Variants in CCDC42 observed in about 807,000 individuals in gnomAD.
CCDC42 encodes the protein coiled-coil domain-containing protein 42.
A neutral mutation model predicts 40.8 loss-of-function variants in CCDC42; 38 were observed. The observed-to-expected ratio is 0.93, with a 90% confidence interval of 0.72 to 1.22. The LOEUF (loss-of-function observed/expected upper bound fraction) is 1.22. Ranked by LOEUF, CCDC42 falls within the 50% of genes most tolerant of loss-of-function variation. CCDC42 has a pLI of 0.00. For missense variants in CCDC42, 379 were observed against 416.5 expected, an observed-to-expected ratio of 0.91 and a Z score of 0.78; for synonymous variants, 135 against 157.5, an observed-to-expected ratio of 0.86 and a Z score of 1.07.
chr17:8,734,486 CTT>C (rs202035464), intron 6 of CCDC42, among the ~76,000 whole-genome samples: 19 of 140,036 alleles, frequency 1.4e-4, no homozygotes, highest in African/African-American at 1.8e-4. Flanking sequence ...ATGAATTTCA[CTT>C]TTTTTTTTTT....
At chr17:8,739,902 C>T (rs147835357) in intron 4 of CCDC42, among the ~76,000 whole-genome samples, 271 of 152,214 alleles carry the variant, frequency 1.8e-3, no homozygotes, top group African/African-American at 6.3e-3. Flanking sequence ...CCTGCCCCCC[C>T]AACAAACCCC....
rs779392103 is a variant in CCDC42 at position 8,741,576 on chromosome 17, C to T, written c.390G>A (p.Gln130=). The change falls in exon 4 of 7, where the codon CAG becomes CAA. Residue 130 remains glutamine (Q), a synonymous_variant. Coordinates refer to ENST00000293845, the MANE Select transcript of CCDC42 (RefSeq NM_144681.3). ...GCTCCAGCCGCAGCGCCACCATCTCCTGCTTGCGCTTGGTCAGCTCCTGCA... is the reference window on the plus strand; with the variant it reads ...GCTCCAGCCGCAGCGCCACCATCTCTTGCTTGCGCTTGGTCAGCTCCTGCA... The part of the protein sequence containing the change: ...QHMQELTKRK[Q]EMVALRLEHQ... 1.2e-6 allele frequency: 2 copies of T among 1,614,242 alleles called. No homozygotes were observed.
chr17:8,735,708 G>A lies in CCDC42; in HGVS notation c.493-97C>T, dbSNP rs2086608047. On this transcript the variant is annotated intron_variant, in intron 4 of 6. Coordinates refer to ENST00000293845, the MANE Select transcript of CCDC42 (RefSeq NM_144681.3). The surrounding 1 kb of genome is among the most constrained non-coding windows in gnomAD (Gnocchi z 4.7). ...CTCCAGCCTGGATGCCTGGACACCT[G>A]GACACCTGGGCAGGCAGGCCCTTGG... The A allele has an allele frequency of 9.8e-7, 1 of 1,017,392 alleles. No homozygotes were observed. Among genetic ancestry groups the A allele is most frequent in the Non-Finnish European group, 1.4e-6 (1 of 700,402 alleles). 63.0% of individuals were successfully genotyped at this position (1,017,392 alleles called of 1,614,324 possible).
At chr17:8,733,179 G>A (rs913957147) in intron 6 of CCDC42, among the ~76,000 whole-genome samples, 4 of 152,156 alleles carry the variant, frequency 2.6e-5, no homozygotes, top group African/African-American at 7.2e-5. Flanking sequence ...TACTGCCCCT[G>A]TCTAAGACCC....
In CCDC42 at chr17:8,735,898, G is replaced by C. The variant is rs879705094; in HGVS notation, c.493-287C>G. ...GAATCACCTGTAGGGGCTTTAAAAA[G>C]GACACCTGCCAGTCTCCACCCCCAG... On this transcript the variant is annotated intron_variant, in intron 4 of 6. Coordinates refer to ENST00000293845, the MANE Select transcript of CCDC42 (RefSeq NM_144681.3). This position sits in a 1 kb window ranked among gnomAD's most constrained non-coding sequence, Gnocchi z 4.7. 2.6e-5 allele frequency among the ~76,000 whole-genome samples: 4 copies of C among 152,136 alleles called. No individual in the cohort carries two copies. Among genetic ancestry groups the C allele is most frequent in the Non-Finnish European group, 4.4e-5 (3 of 68,014 alleles).
rs1404861696 is a variant in CCDC42, at chr17:8,730,076, G to T, written c.*54C>A. The T allele has an allele frequency of 1.3e-6, 2 of 1,556,938 alleles. No homozygotes were observed. Among genetic ancestry groups the T allele is most frequent in the South Asian group, 1.1e-5 (1 of 89,112 alleles). ...TGGACTGACTGGACCGCAGGCTCAC[G>T]ACTTCTTCTTTCACGATCTCTGTCT... On this transcript the variant is annotated 3_prime_UTR_variant, in exon 7 of 7. Coordinates refer to ENST00000293845, the MANE Select transcript of CCDC42 (RefSeq NM_144681.3).
At chr17:8,740,082 T>G (rs1568053219) in intron 4 of CCDC42, among the ~76,000 whole-genome samples, 1 of 152,126 alleles carries the variant, frequency 6.6e-6, no homozygotes, top group East Asian at 1.9e-4. Context: ...AGGACATGGA[T>G]CCACACCCCT....
At chr17:8,737,950 G>C (rs1171753217) in intron 4 of CCDC42, among the ~76,000 whole-genome samples, 1 of 151,748 alleles carries the variant, frequency 6.6e-6, no homozygotes, top group African/African-American at 2.4e-5. Flanking sequence ...CAAGTAGATG[G>C]GACCACATGT....
chr17:8,732,472 C>T (rs2086587417), intron 6 of CCDC42, among the ~76,000 whole-genome samples: 1 of 152,172 alleles, frequency 6.6e-6, no homozygotes, highest in Admixed American at 6.5e-5. Flanking sequence ...GATACTGTTA[C>T]CATTACCAAT....
rs148095320 is a variant in CCDC42, at chr17:8,737,129, G to A, written c.493-1518C>T. Among the ~76,000 whole-genome samples the A allele has an allele frequency of 6.6e-4, 100 of 152,310 alleles. No individual in the cohort carries two copies. The East Asian group carries it at 0.019, about 28-fold the overall frequency. The stretch of plus-strand genomic sequence containing the variant: ...CAAGCAAGCGAGCTCAGTAAACCTT[G>A]GGAAGGAGTGTGGACTTTATCCATT... On this transcript the variant is annotated intron_variant, in intron 4 of 6. Coordinates refer to ENST00000293845, the MANE Select transcript of CCDC42 (RefSeq NM_144681.3).
intron 6 of CCDC42, 120 bp from the exon 7 acceptor site, chr17:8,730,327 C>G: frequency 1.6e-6 from 1 of 627,864 alleles, no homozygotes. Context: ...TGACTGACTT[C>G]TTTTTAAATT....
At position 8,744,508 on chromosome 17, in the gene CCDC42, C is replaced by T; in HGVS notation, c.83+19G>A. On this transcript the variant is annotated intron_variant, in intron 1 of 6. Transcript: ENST00000293845. ...TCCCAGGCACAGAGGGGTGGGCAAGCCAGGCCTCAGACACTCACTGGAGCA... is the reference window on the plus strand; with the variant it reads ...TCCCAGGCACAGAGGGGTGGGCAAGTCAGGCCTCAGACACTCACTGGAGCA... The T allele has an allele frequency of 6.2e-7, 1 of 1,604,776 alleles. No homozygotes were observed.
At position 8,744,494 on chromosome 17, in the gene CCDC42, G is replaced by C. The variant is rs369121406; in HGVS notation, c.83+33C>G. On this transcript the variant is annotated intron_variant, in intron 1 of 6. Transcript: ENST00000293845. The stretch of plus-strand genomic sequence containing the variant: ...GTGGGTGTGAGTGGTCCCAGGCACA[G>C]AGGGGTGGGCAAGCCAGGCCTCAGA... The C allele has an allele frequency of 3.8e-6, 6 of 1,575,706 alleles. No individual in the cohort carries two copies. The African/African-American group carries it at 8.1e-5, about 21-fold the overall frequency.
chr17:8,743,685 G>C lies in CCDC42; in HGVS notation c.235C>G (p.Leu79Val), dbSNP rs766736453. The C allele has an allele frequency of 1.2e-6, 2 of 1,613,092 alleles. No homozygotes were observed. Among genetic ancestry groups the C allele is most frequent in the Admixed American group, 3.3e-5 (2 of 60,010 alleles). Residue 79 changes from leucine to valine, a missense_variant, in exon 3 of 7, where the codon CTG becomes GTG. Coordinates refer to ENST00000293845, the MANE Select transcript of CCDC42 (RefSeq NM_144681.3). ...TTCAGTTGGGCTTCCTTAACGCCCA[G>C]TTCCTCCCAGCGCAGGTTCAGGGTT... ...METLNLRWEE[L>V]GVKEAQLKAH...
At chr17:8,741,718 TC>T in intron 3 of CCDC42, 47 bp from the exon 4 acceptor site, 2 of 1,577,322 alleles carry the variant, frequency 1.3e-6, no homozygotes, top group Non-Finnish European at 1.7e-6. Context: ...CGCCCAGCCC[TC>T]CCGGGGCCCA....
rs748640893 is a variant in CCDC42, at chr17:8,741,486, C to T, written c.480G>A (p.Val160=). ...TCCTTGGACTCACCTCGGAGTTCTCCACCACCTTCTCTAGGTACTTGTTGA... is the reference window on the plus strand; with the variant it reads ...TCCTTGGACTCACCTCGGAGTTCTCTACCACCTTCTCTAGGTACTTGTTGA... The part of the protein sequence containing the change: ...YIFNKYLEKV[V]ENSEFEEIHE... The change falls in exon 4 of 7, where the codon GTG becomes GTA. Residue 160 remains valine (V), a synonymous_variant. Coordinates refer to ENST00000293845, the MANE Select transcript of CCDC42 (RefSeq NM_144681.3). 12 of 1,614,108 alleles carry T rather than the reference C, an allele frequency of 7.4e-6. No homozygotes were observed. Among genetic ancestry groups the T allele is most frequent in the Middle Eastern group, 1.6e-4 (1 of 6,084 alleles).
At chr17:8,742,355 G>A (rs1237347322) in intron 3 of CCDC42, among the ~76,000 whole-genome samples, 1 of 152,202 alleles carries the variant, frequency 6.6e-6, no homozygotes. Context: ...GGGCCTGGGG[G>A]GTAAGGCCAC....
At position 8,730,027 on chromosome 17, in the gene CCDC42, G is replaced by A. The variant is rs1248348836; in HGVS notation, c.*103C>T. 6 of 959,930 alleles carry A rather than the reference G, an allele frequency of 6.3e-6. No homozygotes were observed. The highest frequency in any genetic ancestry group is 1.6e-5 in the African/African-American group (1 of 62,466). 59.5% of individuals were successfully genotyped at this position (959,930 alleles called of 1,614,324 possible). On this transcript the variant is annotated 3_prime_UTR_variant, in exon 7 of 7. Coordinates refer to ENST00000293845, the MANE Select transcript of CCDC42 (RefSeq NM_144681.3). ...TAAGCAGGTGTCCCTCAGCAGGAAG[G>A]CACAGCAGGCATCGGTCCCGAGCTG...
Position 8,735,274 on chromosome 17 carries a change from G to C in CCDC42, c.715-20C>G. The C allele has an allele frequency of 4.3e-6, 7 of 1,614,062 alleles. No homozygotes were observed. The highest frequency in any genetic ancestry group is 5.9e-6 in the Non-Finnish European group (7 of 1,179,960). ...AGATTCCTGGAGAGTGGATAAGGAC[G>C]GGGCATGAGCACAGCATGTGGTGTG... On this transcript the variant is annotated intron_variant, in intron 5 of 6. Coordinates refer to ENST00000293845, the MANE Select transcript of CCDC42 (RefSeq NM_144681.3). The surrounding 1 kb of genome is among the most constrained non-coding windows in gnomAD (Gnocchi z 4.7).
Sources: gnomAD v4.1 joint callset for allele counts (sites outside exome capture counted in the v4.1 genomes callset) on GRCh38, gnomAD v4.1.1 for gene constraint, Gnocchi (gnomAD v3.1) non-coding constraint, MANE v1.5 for transcripts, NCBI Gene and HGNC (gene_info 2026-07-23, HGNC 2026-07-21) for gene names.